Variants in DPY19L2 observed in about 807,000 individuals in gnomAD.
DPY19L2 encodes the protein probable C-mannosyltransferase DPY19L2.
Under a neutral mutation model 97.9 loss-of-function variants are expected in DPY19L2, and 34 were observed. The observed-to-expected ratio is 0.35, with a 90% CI of 0.26 to 0.46. The LOEUF (loss-of-function observed/expected upper bound fraction) is 0.46, where lower values mean the gene tolerates loss of function less well. Among genes scored for constraint, DPY19L2 ranks in the 20% least tolerant of loss-of-function variants. DPY19L2 has a pLI of 1.00. For synonymous variants in DPY19L2, 230 were observed against 307.9 expected (o/e 0.75, Z 2.65); for missense variants, 623 against 911.4 (o/e 0.68, Z 4.07).
intron 21 of DPY19L2, among the ~76,000 whole-genome samples, chr12:63,568,878 A>T (rs1478608495): frequency 6.6e-6 from 1 of 152,058 alleles, no homozygotes; most frequent in Non-Finnish European, 1.5e-5. Context: ...TAATTCAGCT[A>T]TAATACAGAA....
At chr12:63,623,442 T>TA (rs1188713725) in intron 8 of DPY19L2, among the ~76,000 whole-genome samples, 8 of 152,106 alleles carry the variant, frequency 5.3e-5, no homozygotes, top group African/African-American at 1.9e-4. Flanking sequence ...TCAGAGTACT[T>TA]AAACTGTGAA....
At chr12:63,634,135 G>A (rs1565810291) in intron 6 of DPY19L2, among the ~76,000 whole-genome samples, 1 of 152,102 alleles carries the variant, frequency 6.6e-6, no homozygotes, top group Non-Finnish European at 1.5e-5. Context: ...ACTGGGTGCA[G>A]CACACCAACA....
At chr12:63,596,365 A>G (rs565480665) in intron 14 of DPY19L2, among the ~76,000 whole-genome samples, 6 of 152,260 alleles carry the variant, frequency 3.9e-5, no homozygotes, top group African/African-American at 1.4e-4. Flanking sequence ...CCTGGGTCCT[A>G]CGTTGTAACT....
intron 11 of DPY19L2, among the ~76,000 whole-genome samples, chr12:63,610,156 T>C (rs967911626): frequency 1.3e-5 from 2 of 149,430 alleles, no homozygotes; most frequent in Non-Finnish European, 3.0e-5. Flanking sequence ...AAAATATACA[T>C]GTAATAGTTA....
chr12:63,605,475 T>C (rs11175067), intron 12 of DPY19L2, among the ~76,000 whole-genome samples: 34,501 of 152,106 alleles, frequency 0.23, 4,292 homozygotes, highest in East Asian at 0.44. Flanking sequence ...TGCCTTTCTA[T>C]AGCATTAGGC....
intron 11 of DPY19L2, among the ~76,000 whole-genome samples, chr12:63,615,634 A>G (rs1269630476): frequency 6.6e-6 from 1 of 152,146 alleles, no homozygotes; most frequent in Non-Finnish European, 1.5e-5. Context: ...TGAGGATAAA[A>G]CCAGGCAGAT....
intron 21 of DPY19L2, among the ~76,000 whole-genome samples, chr12:63,564,293 T>G (rs1877216430): frequency 6.6e-6 from 1 of 152,138 alleles, no homozygotes; most frequent in African/African-American, 2.4e-5. Flanking sequence ...TTACTTATTC[T>G]TTTTTTCTAG....
Position 63,573,281 on chromosome 12 carries a change from C to A in DPY19L2, c.1901-2424G>T, listed in dbSNP as rs540451066. Among the ~76,000 whole-genome samples the A allele has an allele frequency of 4.7e-4, 72 of 152,090 alleles. 1 individual carries two copies. The highest frequency in any genetic ancestry group is 1.0e-3 in the Non-Finnish European group (68 of 67,978). On this transcript the variant is annotated intron_variant, in intron 19 of 21. Transcript: ENST00000324472. The stretch of plus-strand genomic sequence containing the variant: ...AAATAATTAAAAAGAAGCAGAAATT[C>A]TGGAGCTGAAAAATGCAACTGACAT...
At chr12:63,634,615 C>G (rs151043242) in intron 6 of DPY19L2, among the ~76,000 whole-genome samples, 1 of 152,120 alleles carries the variant, frequency 6.6e-6, no homozygotes, top group Non-Finnish European at 1.5e-5. Context: ...TCTTAGCAAA[C>G]GGCACACCAG....
intron 16 of DPY19L2, among the ~76,000 whole-genome samples, chr12:63,591,778 C>A (rs1457392647): frequency 1.3e-5 from 2 of 150,248 alleles, no homozygotes; most frequent in Non-Finnish European, 3.0e-5. Context: ...CCCCTCTCTA[C>A]AAAAAAATAC....
intron 14 of DPY19L2, among the ~76,000 whole-genome samples, chr12:63,597,231 T>A (rs1054089630): frequency 5.9e-5 from 9 of 151,846 alleles, no homozygotes; most frequent in African/African-American, 2.2e-4. Flanking sequence ...CGCCTCAGCA[T>A]CCCTAAGTGC....
intron 2 of DPY19L2, among the ~76,000 whole-genome samples, chr12:63,665,223 A>G (rs1314714): frequency 2.6e-5 from 4 of 152,040 alleles, no homozygotes; most frequent in African/African-American, 9.7e-5. Flanking sequence ...TGTAATCCCA[A>G]CACTTTGGGA....
chr12:63,625,598 T>C (rs1417972992), intron 7 of DPY19L2, among the ~76,000 whole-genome samples: 1 of 152,152 alleles, frequency 6.6e-6, no homozygotes, highest in Non-Finnish European at 1.5e-5. Context: ...TGAGCTCTTT[T>C]TTAGGTGGAC....
intron 18 of DPY19L2, 40 bp downstream of exon 18, chr12:63,582,366 T>C (rs1475763521): frequency 3.8e-6 from 6 of 1,593,364 alleles, no homozygotes; most frequent in African/African-American, 1.4e-5. Context: ...ATAGCTGCTA[T>C]AGTTTTTATA....
chr12:63,646,485 T>A (rs182585974), intron 5 of DPY19L2, among the ~76,000 whole-genome samples: 1 of 152,138 alleles, frequency 6.6e-6, no homozygotes, highest in South Asian at 2.1e-4. Context: ...ATCCCAAGAG[T>A]TGAATGTTGT....
chr12:63,593,410 A>C (rs955938747), intron 16 of DPY19L2, among the ~76,000 whole-genome samples: 1 of 152,138 alleles, frequency 6.6e-6, no homozygotes, highest in African/African-American at 2.4e-5. Flanking sequence ...ACAATGATAG[A>C]CTGGATTAAG....
chr12:63,644,841 T>C (rs75460711), intron 5 of DPY19L2, among the ~76,000 whole-genome samples: 6,815 of 152,152 alleles, frequency 0.045, 305 homozygotes, highest in East Asian at 0.13. Flanking sequence ...ACTGTAATGA[T>C]TTGTTGGGGA....
At chr12:63,594,781 C>T (rs995587610) in intron 15 of DPY19L2, among the ~76,000 whole-genome samples, 14 of 151,944 alleles carry the variant, frequency 9.2e-5, no homozygotes, top group East Asian at 1.9e-4. Flanking sequence ...ATAGCAGTTG[C>T]GGATCTAGCT....
At chr12:63,606,003 T>C (rs1210483368) in intron 12 of DPY19L2, among the ~76,000 whole-genome samples, 1 of 152,154 alleles carries the variant, frequency 6.6e-6, no homozygotes, top group African/African-American at 2.4e-5. Flanking sequence ...AAATACTGTA[T>C]GTATTTTGTT....
Sources: gnomAD v4.1 joint callset for allele counts (sites outside exome capture counted in the v4.1 genomes callset) on GRCh38, gnomAD v4.1.1 for gene constraint, MANE v1.5 for transcripts, NCBI Gene and HGNC (gene_info 2026-07-23, HGNC 2026-07-21) for gene names.